The following COA1 variants were observed in gnomAD, a reference collection of about 807,000 sequenced individuals.
COA1 encodes the protein cytochrome c oxidase assembly factor 1.
In COA1, 13 loss-of-function variants were observed where a neutral mutation model predicts 16.0. The ratio of observed to expected loss-of-function variants is 0.81; its 90% CI spans 0.53 to 1.29. COA1 has a LOEUF of 1.29. Among genes scored for constraint, COA1 ranks in the 50% most tolerant of loss-of-function variants. The probability of loss-of-function intolerance (pLI) is 0.00; values close to 1 mark genes in which losing one functional copy is unlikely to be tolerated. For missense variants in COA1, 179 were observed against 177.0 expected (o/e 1.01, Z -0.06); for synonymous variants, 65 against 65.7 (o/e 0.99, Z 0.05).
intron 6 of COA1, among the ~76,000 whole-genome samples, chr7:43,619,272 A>T (rs561731530): frequency 4.2e-4 from 64 of 152,272 alleles, no homozygotes; most frequent in Non-Finnish European, 3.7e-4. Flanking sequence ...CAAGAAGCTG[A>T]GCTTTGAGGG....
At chr7:43,707,707 A>C (rs2095049379) in intron 1 of COA1, among the ~76,000 whole-genome samples, 1 of 152,132 alleles carries the variant, frequency 6.6e-6, no homozygotes. Flanking sequence ...GAGTTTGTTC[A>C]TTTTCATTAC....
At chr7:43,682,018 T>G (rs913373956) in intron 1 of COA1, among the ~76,000 whole-genome samples, 2 of 152,298 alleles carry the variant, frequency 1.3e-5, no homozygotes, top group East Asian at 3.9e-4. Flanking sequence ...ACGTGCGGGT[T>G]TGGAAGAGTT....
intron 1 of COA1, among the ~76,000 whole-genome samples, chr7:43,691,411 GGAA>G (rs2094339558): frequency 9.6e-6 from 1 of 104,272 alleles, no homozygotes; most frequent in African/African-American, 3.7e-5. Flanking sequence ...AAGGAAGGAA[GGAA>G]GAAAGAAAAA....
intron 1 of COA1, among the ~76,000 whole-genome samples, chr7:43,692,505 A>T (rs2094405735): frequency 6.6e-6 from 1 of 152,080 alleles, no homozygotes; most frequent in African/African-American, 2.4e-5. Flanking sequence ...GCAACACAGC[A>T]AGACCCTGTC....
At chr7:43,701,260 T>A (rs1292411803) in intron 1 of COA1, among the ~76,000 whole-genome samples, 2 of 152,052 alleles carry the variant, frequency 1.3e-5, no homozygotes, top group Non-Finnish European at 2.9e-5. Context: ...CTCCTCCCAC[T>A]CTCCATCCTC....
chr7:43,655,110 G>C (rs890316063), intron 1 of COA1, among the ~76,000 whole-genome samples: 1 of 152,082 alleles, frequency 6.6e-6, no homozygotes, highest in Non-Finnish European at 1.5e-5. Context: ...CCAAATAATT[G>C]TTTACTTATA....
intron 1 of COA1, among the ~76,000 whole-genome samples, chr7:43,728,106 C>A (rs2095655801): frequency 6.6e-6 from 1 of 152,000 alleles, no homozygotes; most frequent in African/African-American, 2.4e-5. Context: ...TCCCAAGTAG[C>A]TGGGACTACA....
At chr7:43,639,894 A>G (rs1210515931) in intron 5 of COA1, among the ~76,000 whole-genome samples, 1 of 152,202 alleles carries the variant, frequency 6.6e-6, no homozygotes, top group Admixed American at 6.5e-5. Context: ...AGGCTTAACA[A>G]TGACTGACAG....
At chr7:43,637,119 A>ACTT (rs990738158), downstream of COA1, among the ~76,000 whole-genome samples, 1 of 152,134 alleles carries the variant, frequency 6.6e-6, no homozygotes, top group African/African-American at 2.4e-5. Flanking sequence ...AAAATCTTGG[A>ACTT]CTTCAAGGCC....
chr7:43,684,680 A>G (rs950772898), intron 1 of COA1, among the ~76,000 whole-genome samples: 1 of 152,220 alleles, frequency 6.6e-6, no homozygotes, highest in Non-Finnish European at 1.5e-5. Flanking sequence ...GGAAAGTACA[A>G]GACGCCACCA....
At chr7:43,650,698 C>T (rs1046799333) in intron 1 of COA1, 1 of 151,862 alleles carries the variant, frequency 6.6e-6, no homozygotes, top group Admixed American at 6.6e-5. Context: ...TCGAGTGACT[C>T]GTGTGGCAAA....
intron 6 of COA1, among the ~76,000 whole-genome samples, chr7:43,620,846 GC>G (rs1424588148): frequency 6.6e-6 from 1 of 152,278 alleles, no homozygotes; most frequent in East Asian, 1.9e-4. Flanking sequence ...CACCTAGGCT[GC>G]CAGCAGACCT....
intron 1 of COA1, among the ~76,000 whole-genome samples, chr7:43,724,813 T>C (rs1413970149): frequency 6.6e-6 from 1 of 152,252 alleles, no homozygotes; most frequent in Admixed American, 6.5e-5. Context: ...AGGACAAATA[T>C]TTTATGATTC....
intron 3 of COA1, 176 bp downstream of exon 3, chr7:43,647,359 A>C (rs1584351526): frequency 1.6e-6 from 1 of 608,636 alleles, no homozygotes; most frequent in Middle Eastern, 4.4e-4. Context: ...TCCTGGAAAA[A>C]CTGAGATTAC....
intron 1 of COA1, among the ~76,000 whole-genome samples, chr7:43,714,769 A>G (rs930895619): frequency 2.6e-5 from 4 of 152,088 alleles, no homozygotes; most frequent in African/African-American, 7.2e-5. Context: ...GCACTTTGGG[A>G]AACCAATGCA....
At chr7:43,669,600 C>A (rs1429559391) in intron 1 of COA1, among the ~76,000 whole-genome samples, 1 of 152,128 alleles carries the variant, frequency 6.6e-6, no homozygotes, top group African/African-American at 2.4e-5. Flanking sequence ...GCAAATCAGG[C>A]ACCACCTCCT....
chr7:43,611,078 C>T (rs1400737320), intron 6 of COA1, among the ~76,000 whole-genome samples: 1 of 152,214 alleles, frequency 6.6e-6, no homozygotes, highest in African/African-American at 2.4e-5. Flanking sequence ...GATTGCGCCA[C>T]TGCACTCCAG....
At chr7:43,715,002 T>G (rs2095354731) in intron 1 of COA1, among the ~76,000 whole-genome samples, 1 of 81,818 alleles carries the variant, frequency 1.2e-5, no homozygotes, top group African/African-American at 7.4e-5. Flanking sequence ...GTGAGCCTCT[T>G]GTCTAAAAAA....
chr7:43,655,170 A>T (rs1345723296), intron 1 of COA1, among the ~76,000 whole-genome samples: 2 of 152,160 alleles, frequency 1.3e-5, no homozygotes, highest in Non-Finnish European at 2.9e-5. Context: ...TTATTATTTT[A>T]ATTATTTTTA....
Sources: gnomAD v4.1 joint callset for allele counts (sites outside exome capture counted in the v4.1 genomes callset) on GRCh38, gnomAD v4.1.1 for gene constraint, MANE v1.5 for transcripts, NCBI Gene and HGNC (gene_info 2026-07-23, HGNC 2026-07-21) for gene names.